Variants in TAF1 observed in about 807,000 individuals in gnomAD.
The protein encoded by TAF1 is transcription initiation factor TFIID subunit 1.
A neutral mutation model predicts 138.5 loss-of-function variants in TAF1; 2 were observed. The observed-to-expected ratio is 0.01, with a 90% CI of 0.01 to 0.05. TAF1 has a LOEUF of 0.05. Among genes scored for constraint, TAF1 ranks in the 10% least tolerant of loss-of-function variants. The pLI, the probability that TAF1 is intolerant of heterozygous loss-of-function variation, is 1.00. For missense variants in TAF1, 709 were observed against 1,478.0 expected (o/e 0.48, Z 8.53); for synonymous variants, 437 against 503.2 (o/e 0.87, Z 1.76).
At chrX:71,429,760 A>G (rs1303577058) in intron 32 of TAF1, among the ~76,000 whole-genome samples, 1 of 111,321 alleles carries the variant, frequency 9.0e-6, no homozygotes, top group Non-Finnish European at 1.9e-5. Context: ...GTCAGTATCA[A>G]TAAGAGTAAA....
chrX:71,378,988 T>C lies in TAF1; in HGVS notation c.1317T>C (p.Pro439=). Residue 439 remains proline, a synonymous_variant, in exon 8 of 38, where the codon CCT becomes CCC. Coordinates refer to ENST00000423759, the MANE Select transcript of TAF1 (RefSeq NM_004606.5). ...GTGCAAGCCTGGCAGGCTGGCTTCCTTCTAGCATGACTAGGAATGCGATGG... is the reference window on the plus strand; with the variant it reads ...GTGCAAGCCTGGCAGGCTGGCTTCCCTCTAGCATGACTAGGAATGCGATGG... The part of the protein sequence containing the change: ...PQRASLAGWL[P]SSMTRNAMAY... 1 of 1,211,510 alleles carries C rather than the reference T, an allele frequency of 8.3e-7. No homozygotes were observed. The highest frequency in any genetic ancestry group is 1.8e-5 in the South Asian group (1 of 56,992).
chrX:71,508,086 C>CTATATATATATA (rs1556033075), intron 13 of TAF1, among the ~76,000 whole-genome samples: 1 of 92,179 alleles, frequency 1.1e-5, no homozygotes, highest in Non-Finnish European at 2.1e-5. Context: ...CTCTCTCTCT[C>CTATATATATATA]TATATATATA....
intron 13 of TAF1, among the ~76,000 whole-genome samples, chrX:71,384,414 C>CT (rs778075717): frequency 0.031 from 3,093 of 99,699 alleles, 59 homozygotes; most frequent in Non-Finnish European, 0.045. Flanking sequence ...AAATCCAAAA[C>CT]TTTTTTTTTT....
chrX:71,441,733 A>G (rs7891332), intron 32 of TAF1: 2,830 of 264,823 alleles, frequency 0.011, 79 homozygotes, highest in African/African-American at 0.079. Context: ...TTTGTTAAAT[A>G]TATATACATG....
chrX:71,388,576 A>G (rs751613108), intron 16 of TAF1, 162 bp from the exon 17 acceptor site: 4 of 909,102 alleles, frequency 4.4e-6, no homozygotes, highest in Non-Finnish European at 6.1e-6. Flanking sequence ...GATATCTTCT[A>G]TGAGTTGTAG....
intron 8 of TAF1, 26 bp from the exon 9 acceptor site, chrX:71,381,717 C>A (rs747272410): frequency 1.7e-6 from 2 of 1,199,066 alleles, no homozygotes; most frequent in Non-Finnish European, 2.3e-6. Context: ...TTCTCTGTTA[C>A]TATTTCCTCC....
At chrX:71,516,690 A>AT (rs1245095958) in intron 13 of TAF1, among the ~76,000 whole-genome samples, 1 of 99,808 alleles carries the variant, frequency 1.0e-5, no homozygotes, top group Non-Finnish European at 2.0e-5. Context: ...ATGTTGTGGG[A>AT]TTTTTTGTTG....
chrX:71,385,887 G>A (rs906243132), intron 14 of TAF1, among the ~76,000 whole-genome samples: 2 of 111,502 alleles, frequency 1.8e-5, no homozygotes, highest in Non-Finnish European at 1.9e-5. Context: ...CTGGCCGAGC[G>A]TGGTGGCTCA....
At chrX:71,463,722 A>G in intron 37 of TAF1, 102 bp from the exon 38 acceptor site, 1 of 761,479 alleles carries the variant, frequency 1.3e-6, no homozygotes. Context: ...TTTAGTGTCC[A>G]GGGGAGGTGA....
At position 71,473,518 on chromosome X, in the gene TAF1, A is replaced by T. The variant is rs188803401; in HGVS notation, c.1366+12715A>T. ...ATCTCTTAAAAAAAATTTTTTTTTT[A>T]AATTTTTTAATTAGTCGGGCATGGT... On this transcript the variant is annotated intron_variant and NMD_transcript_variant, in intron 13 of 14. Transcript: ENST00000373775. Among the ~76,000 whole-genome samples, 300 of 109,930 alleles carry T rather than the reference A, an allele frequency of 2.7e-3. 6 individuals carry two copies. The South Asian group carries it at 0.062, about 23-fold the overall frequency.
chrX:71,381,345 A>G (rs2033878465), intron 8 of TAF1, among the ~76,000 whole-genome samples: 1 of 111,730 alleles, frequency 9.0e-6, no homozygotes, highest in South Asian at 3.7e-4. Flanking sequence ...GCTCACTGCA[A>G]TCTCTGCCTC....
At chrX:71,441,233 T>A (rs748161045) in intron 32 of TAF1, among the ~76,000 whole-genome samples, 3 of 110,623 alleles carry the variant, frequency 2.7e-5, no homozygotes, top group African/African-American at 6.6e-5. Flanking sequence ...GGCCCAGTTT[T>A]TTTTTTATTT....
At chrX:71,489,239 A>G (rs1395844009) in intron 13 of TAF1, among the ~76,000 whole-genome samples, 1 of 110,963 alleles carries the variant, frequency 9.0e-6, no homozygotes, top group Non-Finnish European at 1.9e-5. Flanking sequence ...TCTTGGCCAA[A>G]TGTAGAAGTC....
Position 71,464,908 on chromosome X carries a change from G to C in TAF1, c.*862G>C, listed in dbSNP as rs1048761660. On this transcript the variant is annotated 3_prime_UTR_variant, in exon 38 of 38. Transcript: ENST00000423759. ...CTAAATGGATTGGAGGCAAATTACC[G>C]TAAATTTTGAAACAGCCTATATGTC... The C allele has an allele frequency of 9.0e-6, 1 of 111,277 alleles. No individual in the cohort carries two copies. Among genetic ancestry groups the C allele is most frequent in the Admixed American group, 9.6e-5 (1 of 10,383 alleles). The allele number at this position is 111,277 out of a possible 1,213,427, so 9.2% of individuals were successfully genotyped here.
chrX:71,388,408 C>T (rs762582224), intron 16 of TAF1, 30 bp downstream of exon 16: 1 of 1,184,500 alleles, frequency 8.4e-7, no homozygotes, highest in African/African-American at 1.8e-5. Flanking sequence ...TATTTGTCTG[C>T]CTTTTTCCAA....
At chrX:71,368,946 T>C (rs1241623503) in intron 3 of TAF1, 1 of 97,625 alleles carries the variant, frequency 1.0e-5, no homozygotes, top group African/African-American at 3.8e-5. Context: ...CACCTCCCGG[T>C]TTGAAGCAAT....
intron 32 of TAF1, among the ~76,000 whole-genome samples, chrX:71,451,874 T>C (rs1346017005): frequency 1.8e-5 from 2 of 112,487 alleles, no homozygotes; most frequent in Admixed American, 1.9e-4. Flanking sequence ...CCATGTCTAC[T>C]TCTTACTACA....
At chrX:71,439,333 C>T (rs60311715) in intron 32 of TAF1, among the ~76,000 whole-genome samples, 1,749 of 111,308 alleles carry the variant, frequency 0.016, 29 homozygotes, top group African/African-American at 0.055. Context: ...TAAGTTCCAA[C>T]ATCCAGTATG....
At chrX:71,402,715 A>G (rs895006312) in intron 25 of TAF1, among the ~76,000 whole-genome samples, 7 of 112,393 alleles carry the variant, frequency 6.2e-5, no homozygotes, top group Non-Finnish European at 1.1e-4. Flanking sequence ...TTGAAAGAAT[A>G]TAATATATAA....
Sources: allele counts gnomAD v4.1 joint callset (sites outside exome capture counted in the v4.1 genomes callset), GRCh38; gene constraint gnomAD v4.1.1; transcripts MANE v1.5; gene names NCBI Gene and HGNC (gene_info 2026-07-23, HGNC 2026-07-21).